Variants in PKD1L3 observed in about 807,000 individuals in gnomAD.
The protein encoded by PKD1L3 is polycystin-1-like protein 3.
PKD1L3 carries 239 observed loss-of-function variants against 184.1 expected under a neutral mutation model. The observed-to-expected ratio is 1.30, with a 90% confidence interval of 1.17 to 1.45. The LOEUF (loss-of-function observed/expected upper bound fraction) is 1.45. Among genes scored for constraint, PKD1L3 ranks in the 40% most tolerant of loss-of-function variants. PKD1L3 has a pLI of 0.00. For synonymous variants in PKD1L3, 996 were observed against 778.8 expected (o/e 1.28, Z -4.64); for missense variants, 2,660 against 2,067.2 (o/e 1.29, Z -5.56).
At chr16:71,976,264 C>CTTTTTTTTTCTTT (rs2039918278) in intron 11 of PKD1L3, among the ~76,000 whole-genome samples, 1 of 81,776 alleles carries the variant, frequency 1.2e-5, no homozygotes, top group Non-Finnish European at 2.3e-5. Context: ...CCCAGCCTGT[C>CTTTTTTTTTCTTT]TTTTTTTTTT....
At chr16:71,989,593 G>A (rs2040509774) in intron 4 of PKD1L3, among the ~76,000 whole-genome samples, 1 of 152,202 alleles carries the variant, frequency 6.6e-6, no homozygotes, top group Non-Finnish European at 1.5e-5. Context: ...TCTTGAAGGT[G>A]AAATTTTATA....
chr16:71,942,515 C>T (rs746905823), intron 24 of PKD1L3, 45 bp downstream of exon 24: 2 of 1,472,838 alleles, frequency 1.4e-6, no homozygotes, highest in Non-Finnish European at 1.8e-6. Flanking sequence ...ATTGAACAGC[C>T]TTCTTTGCTA....
intron 16 of PKD1L3, among the ~76,000 whole-genome samples, chr16:71,956,805 AATGTT>A (rs1567512595): frequency 1.3e-5 from 2 of 152,330 alleles, no homozygotes; most frequent in East Asian, 1.9e-4. Context: ...GAAGATGGTA[AATGTT>A]ATGTGTTTTT....
chr16:71,973,598 T>C, intron 11 of PKD1L3, 81 bp from the exon 12 acceptor site: 2 of 1,252,562 alleles, frequency 1.6e-6, no homozygotes, highest in Admixed American at 2.7e-5. Flanking sequence ...GGATCTATTA[T>C]TAATATTTTA....
chr16:71,982,662 T>A (rs1406308149), intron 6 of PKD1L3, among the ~76,000 whole-genome samples: 1 of 152,112 alleles, frequency 6.6e-6, no homozygotes, highest in East Asian at 1.9e-4. Context: ...AGTGGTACAA[T>A]CATGCCTCAC....
rs774825106 is a variant in PKD1L3 at position 71,930,177 on chromosome 16, C to T, written c.4933G>A (p.Ala1645Thr). ...MGISHQEEVFALDPVLGTFLI... is the reference protein window; with the variant it reads ...MGISHQEEVFTLDPVLGTFLI... The stretch of plus-strand genomic sequence containing the variant: ...AAGGTGCCCAGGACTGGGTCTAAAG[C>T]GAAAACCTGGGAAAACAATAAGAAC... The change falls in exon 29 of 30, where the codon GCT (alanine) becomes ACT (threonine). Residue 1645 changes from alanine to threonine, a missense_variant. By Grantham distance (58) the Ala-to-Thr change is moderately conservative. Transcript: ENST00000620267. The T allele has an allele frequency of 1.8e-5, 28 of 1,540,426 alleles. No homozygotes were observed. Among genetic ancestry groups the T allele is most frequent in the Non-Finnish European group, 1.7e-5 (19 of 1,142,866 alleles).
intron 6 of PKD1L3, among the ~76,000 whole-genome samples, chr16:71,982,868 A>T (rs898857150): frequency 8.5e-5 from 13 of 152,160 alleles, no homozygotes; most frequent in Admixed American, 5.9e-4. Flanking sequence ...TGTTTAGATT[A>T]CAGACATGAG....
intron 21 of PKD1L3, among the ~76,000 whole-genome samples, chr16:71,948,753 T>A (rs2038714083): frequency 1.4e-5 from 2 of 141,244 alleles, no homozygotes; most frequent in South Asian, 4.4e-4. Flanking sequence ...TTTTGGCCAC[T>A]GCAATTACAG....
intron 4 of PKD1L3, among the ~76,000 whole-genome samples, chr16:71,989,432 C>T (rs1215893094): frequency 3.3e-5 from 5 of 152,342 alleles, no homozygotes; most frequent in Admixed American, 1.3e-4. Context: ...GGATTACGGG[C>T]GTGAGCCACC....
At chr16:71,969,725 A>C (rs936705957) in intron 13 of PKD1L3, 150 bp downstream of exon 13, 1 of 726,636 alleles carries the variant, frequency 1.4e-6, no homozygotes, top group Non-Finnish European at 2.2e-6. Flanking sequence ...GTCAGCAGAC[A>C]CGAAGATAAA....
At chr16:71,946,911 AGAGAGAGAGAGAAAGG>A (rs1437170928) in intron 22 of PKD1L3, among the ~76,000 whole-genome samples, 4 of 141,842 alleles carry the variant, frequency 2.8e-5, no homozygotes, top group Admixed American at 7.0e-5. Flanking sequence ...GGAGGGGGAG[AGAGAGAGAGAGAAAGG>A]GAGAGAGAGA....
rs1416666427 is a variant in PKD1L3 at position 71,969,911 on chromosome 16, C to CACA, written c.2145_2147dup (p.Val716dup). The CACA allele has an allele frequency of 7.7e-6, 12 of 1,551,680 alleles. No homozygotes were observed. In the African/African-American group the frequency reaches 1.4e-4, roughly 18 times the overall value. ...CTGCTTGATCCTTTTTCCGAGCCCA[C>CACA]ACAACTGTGATCACATAAAATCCTA... On this transcript the variant is annotated inframe_insertion, in exon 13 of 30. Coordinates refer to ENST00000620267, the MANE Select transcript of PKD1L3 (RefSeq NM_181536.2).
chr16:71,979,083 C>G (rs756246687), intron 9 of PKD1L3, among the ~76,000 whole-genome samples: 2 of 152,130 alleles, frequency 1.3e-5, no homozygotes, highest in African/African-American at 4.8e-5. Context: ...GAAAGGAATA[C>G]AATATATTGA....
intron 28 of PKD1L3, among the ~76,000 whole-genome samples, chr16:71,932,821 A>T (rs2038032248): frequency 8.0e-6 from 1 of 125,390 alleles, no homozygotes. Flanking sequence ...AAATAGACAT[A>T]GGGTCTGGAG....
chr16:71,985,153 T>C (rs2040308073), intron 5 of PKD1L3, among the ~76,000 whole-genome samples: 1 of 152,188 alleles, frequency 6.6e-6, no homozygotes, highest in South Asian at 2.1e-4. Flanking sequence ...TAATAATTTA[T>C]TATAGATCCT....
chr16:71,934,191 G>C lies in PKD1L3; in HGVS notation c.4614-66C>G, dbSNP rs761955560. 1.4e-5 allele frequency: 20 copies of C among 1,431,576 alleles called. No homozygotes were observed. The Admixed American group carries it at 2.4e-4, about 17-fold the overall frequency. The allele number at this position is 1,431,576 out of a possible 1,614,324, so 88.7% of individuals were successfully genotyped here. On this transcript the variant is annotated intron_variant, in intron 26 of 29. Coordinates refer to ENST00000620267, the MANE Select transcript of PKD1L3 (RefSeq NM_181536.2). ...GTGCCTATACTGCAGTTTCCCCAGC[G>C]CCCCTGCTGCTGATCGTGGCAGCCC... is the stretch of plus-strand genomic sequence containing the variant.
intron 16 of PKD1L3, among the ~76,000 whole-genome samples, chr16:71,955,184 G>A (rs1016297289): frequency 6.6e-6 from 1 of 152,116 alleles, no homozygotes; most frequent in African/African-American, 2.4e-5. Flanking sequence ...GTTCTAGACT[G>A]GAGATGTGAA....
In PKD1L3 at chr16:71,942,820, T is replaced by C. The variant is rs2038408347; in HGVS notation, c.4064A>G (p.Glu1355Gly). 1.3e-6 allele frequency: 2 copies of C among 1,551,508 alleles called. No homozygotes were observed. Among genetic ancestry groups the C allele is most frequent in the Non-Finnish European group, 1.7e-6 (2 of 1,146,972 alleles). ...TACCCCACATTTGCAATGACTGGGCTCCAGGACTGCATTCTTACCTCTGTA... is the reference window on the plus strand; with the variant it reads ...TACCCCACATTTGCAATGACTGGGCCCCAGGACTGCATTCTTACCTCTGTA... ...GDYRGKNAVLEPSHCKCGVQL... is the reference protein window; with the variant it reads ...GDYRGKNAVLGPSHCKCGVQL... Residue 1355 changes from glutamate (E) to glycine (G), a missense_variant, in exon 24 of 30, where the codon GAG becomes GGG. Glu to Gly is a moderately conservative substitution (Grantham distance 98, BLOSUM62 -2). Transcript: ENST00000620267.
At chr16:71,994,188 C>T (rs905837835) in intron 2 of PKD1L3, among the ~76,000 whole-genome samples, 1 of 152,156 alleles carries the variant, frequency 6.6e-6, no homozygotes, top group Non-Finnish European at 1.5e-5. Context: ...AGCTTAAATT[C>T]GCTATCGTGA....
Sources: gnomAD v4.1 joint callset for allele counts (sites outside exome capture counted in the v4.1 genomes callset) on GRCh38, gnomAD v4.1.1 for gene constraint, MANE v1.5 for transcripts, NCBI Gene and HGNC (gene_info 2026-07-23, HGNC 2026-07-21) for gene names.